The following VRK2 variants were observed in gnomAD, a reference collection of about 807,000 sequenced individuals.
VRK2 encodes serine/threonine-protein kinase VRK2.
VRK2 carries 60 observed loss-of-function variants against 57.6 expected under a neutral mutation model. That is an observed-to-expected ratio of 1.04 (90% CI 0.85 to 1.29). The LOEUF is 1.29. VRK2 is among the 50% of genes most tolerant of loss of function. The probability of loss-of-function intolerance (pLI) is 0.00; values close to 1 mark genes in which losing one functional copy is unlikely to be tolerated. For missense variants in VRK2, 705 were observed against 588.1 expected (o/e 1.20, Z -2.06); for synonymous variants, 231 against 199.2 (o/e 1.16, Z -1.35).
At chr2:58,110,254 A>C (rs1400621593) in intron 7 of VRK2, among the ~76,000 whole-genome samples, 1 of 152,222 alleles carries the variant, frequency 6.6e-6, no homozygotes, top group East Asian at 1.9e-4. Context: ...TGGGGAGAAC[A>C]TGTATATACA....
At chr2:58,060,062 T>C (rs1008919360) in intron 2 of VRK2, among the ~76,000 whole-genome samples, 2 of 151,838 alleles carry the variant, frequency 1.3e-5, no homozygotes, top group Non-Finnish European at 1.5e-5. Flanking sequence ...GAATTAGTTA[T>C]GTAAACCTTT....
chr2:58,100,528 G>C (rs1180419284), intron 7 of VRK2, among the ~76,000 whole-genome samples: 2 of 151,728 alleles, frequency 1.3e-5, no homozygotes, highest in African/African-American at 4.8e-5. Flanking sequence ...TTCCTTCCTT[G>C]TGAGGTTCTG....
rs1673759577 is a variant in VRK2, at chr2:58,021,628, C to T, written c.-438-4037C>T. Among the ~76,000 whole-genome samples, 6 of 152,110 alleles carry T rather than the reference C, an allele frequency of 3.9e-5. 1 individual carries two copies. Among genetic ancestry groups the T allele is most frequent in the African/African-American group, 1.2e-4 (5 of 41,420 alleles). On this transcript the variant is annotated intron_variant, in intron 1 of 15. Transcript: ENST00000417641. ...ATATAGACATCTGTTAATATTAATTCTATCTTTTCTTTGTAATAGAACTTT... is the reference window on the plus strand; with the variant it reads ...ATATAGACATCTGTTAATATTAATTTTATCTTTTCTTTGTAATAGAACTTT...
chr2:58,157,717 G>A (rs927369911), intron 12 of VRK2, among the ~76,000 whole-genome samples: 5 of 152,118 alleles, frequency 3.3e-5, no homozygotes, highest in African/African-American at 7.2e-5. Flanking sequence ...TCTAATACTC[G>A]AAGAATAATG....
Position 58,078,746 on chromosome 2 carries a change from G to A in VRK2, c.137-5343G>A, listed in dbSNP as rs919208814. Reference sequence around the variant, plus strand: ...GGGTGATATTGTGGTTTTGATTTGCGTTTTTCTAATGATTAGTGGTGTTGA... The same window carrying A: ...GGGTGATATTGTGGTTTTGATTTGCATTTTTCTAATGATTAGTGGTGTTGA... On this transcript the variant is annotated intron_variant, in intron 2 of 12. Coordinates refer to ENST00000340157, the MANE Select transcript of VRK2 (RefSeq NM_006296.7). 5.9e-5 allele frequency among the ~76,000 whole-genome samples: 9 copies of A among 152,100 alleles called. No individual in the cohort carries two copies. In the South Asian group the frequency reaches 6.2e-4, roughly 11 times the overall value.
intron 1 of VRK2, among the ~76,000 whole-genome samples, chr2:58,007,497 A>C (rs1179640819): frequency 6.6e-6 from 1 of 152,060 alleles, no homozygotes; most frequent in African/African-American, 2.4e-5. Flanking sequence ...GGATAAAGGC[A>C]TATGACAATC....
At chr2:57,931,262 A>G (rs1212106621) in intron 1 of VRK2, among the ~76,000 whole-genome samples, 1 of 152,154 alleles carries the variant, frequency 6.6e-6, no homozygotes, top group Non-Finnish European at 1.5e-5. Context: ...CCAAAAGTGT[A>G]CAAGAGTTCC....
intron 1 of VRK2, among the ~76,000 whole-genome samples, chr2:57,956,739 G>C (rs935848341): frequency 6.2e-4 from 95 of 152,234 alleles, no homozygotes; most frequent in African/African-American, 2.0e-3. Flanking sequence ...ATGACTATCA[G>C]CAGCAATTTT....
chr2:57,910,504 AC>A (rs1669955536), intron 1 of VRK2, among the ~76,000 whole-genome samples: 1 of 152,214 alleles, frequency 6.6e-6, no homozygotes, highest in Non-Finnish European at 1.5e-5. Context: ...ATGGATCATG[AC>A]AAGCCTGTAA....
intron 1 of VRK2, among the ~76,000 whole-genome samples, chr2:58,002,371 G>A (rs1384967914): frequency 7.9e-5 from 12 of 152,022 alleles, no homozygotes; most frequent in Admixed American, 3.3e-4. Context: ...CCAGCTACTC[G>A]GGAGGCTGAG....
intron 2 of VRK2, among the ~76,000 whole-genome samples, chr2:58,079,246 T>G (rs918619713): frequency 2.0e-5 from 3 of 152,144 alleles, no homozygotes; most frequent in Admixed American, 6.6e-5. Context: ...TGACATTAAC[T>G]TTGATCCCTT....
intron 1 of VRK2, among the ~76,000 whole-genome samples, chr2:57,920,832 A>C (rs2103905510): frequency 6.6e-6 from 1 of 152,264 alleles, no homozygotes; most frequent in South Asian, 2.1e-4. Flanking sequence ...GGCTGGGTGT[A>C]GGTGGCTGCC....
chr2:58,044,353 T>C (rs1335099189), upstream of VRK2, among the ~76,000 whole-genome samples: 2 of 152,212 alleles, frequency 1.3e-5, no homozygotes, highest in South Asian at 2.1e-4. Context: ...TTGTACTGTC[T>C]AAACCAATCA....
chr2:58,014,414 G>C (rs1029549311), intron 1 of VRK2, among the ~76,000 whole-genome samples: 1 of 152,198 alleles, frequency 6.6e-6, no homozygotes. Flanking sequence ...ATGGGGAAAA[G>C]ATATTAAATA....
At position 58,028,904 on chromosome 2, in the gene VRK2, AT is replaced by A. The variant is rs1674025887; in HGVS notation, c.-333+3135del. 4.3e-4 allele frequency among the ~76,000 whole-genome samples: 6 copies of A among 14,036 alleles called. No individual in the cohort carries two copies. In the South Asian group the frequency reaches 0.012, roughly 28 times the overall value. 9.2% of individuals were successfully genotyped at this position (14,036 alleles called of 152,430 possible). The stretch of plus-strand genomic sequence containing the variant: ...GTATAATAAATAAATAAATAAATAA[AT>A]ATATATATATATATATATATATATA... On this transcript the variant is annotated intron_variant, in intron 2 of 15. Transcript: ENST00000417641.
At position 58,139,842 on chromosome 2, in the gene VRK2, A is replaced by G; in HGVS notation, c.1023+10A>G. 1.2e-6 allele frequency: 2 copies of G among 1,604,916 alleles called. No individual in the cohort carries two copies. The highest frequency in any genetic ancestry group is 1.3e-5 in the African/African-American group (1 of 74,698). On this transcript the variant is annotated intron_variant, in intron 11 of 12. Coordinates refer to ENST00000340157, the MANE Select transcript of VRK2 (RefSeq NM_006296.7). ...TCCAAACAGTCAAAAAGTAAGTAAC[A>G]TAATCCCTGCTATCCTATGATTACC...
At chr2:58,066,233 T>A (rs1668590236) in intron 2 of VRK2, among the ~76,000 whole-genome samples, 1 of 152,212 alleles carries the variant, frequency 6.6e-6, no homozygotes, top group South Asian at 2.1e-4. Flanking sequence ...TGATGTTAAC[T>A]GTAGGTTTTC....
chr2:57,907,594 C>A (rs1669866554), upstream of VRK2: 1 of 152,220 alleles, frequency 6.6e-6, no homozygotes, highest in Admixed American at 6.5e-5. Flanking sequence ...AAACAACTAG[C>A]ATTTCCAAAC....
chr2:57,949,214 T>C (rs887038173), intron 1 of VRK2, among the ~76,000 whole-genome samples: 2 of 152,216 alleles, frequency 1.3e-5, no homozygotes, highest in African/African-American at 4.8e-5. Flanking sequence ...AGAAGGGCTC[T>C]GATAATGATT....
Sources: gnomAD v4.1 joint callset for allele counts (sites outside exome capture counted in the v4.1 genomes callset) on GRCh38, gnomAD v4.1.1 for gene constraint, MANE v1.5 for transcripts, NCBI Gene and HGNC (gene_info 2026-07-23, HGNC 2026-07-21) for gene names.